Variants in DAD1 observed in about 807,000 individuals in gnomAD.
DAD1 encodes dolichyl-diphosphooligosaccharide--protein glycosyltransferase subunit DAD1.
Under a neutral mutation model 9.0 loss-of-function variants are expected in DAD1, and 4 were observed. The observed-to-expected ratio is 0.44, with a 90% CI of 0.22 to 1.01. The LOEUF is 1.01. Ranked by LOEUF, DAD1 falls within the 50% of genes least tolerant of loss-of-function variation. The pLI is 0.24. For missense variants in DAD1, 119 were observed against 137.3 expected (o/e 0.87, Z 0.67); for synonymous variants, 60 against 62.5 (o/e 0.96, Z 0.19).
intron 2 of DAD1, among the ~76,000 whole-genome samples, chr14:22,569,297 G>A (rs2037022229): frequency 1.3e-5 from 2 of 152,040 alleles, no homozygotes; most frequent in Admixed American, 1.3e-4. Context: ...GCCAGGCGTG[G>A]GAGCACACAC....
chr14:22,576,219 T>C (rs1260325603), intron 1 of DAD1, among the ~76,000 whole-genome samples: 1 of 152,232 alleles, frequency 6.6e-6, no homozygotes, highest in South Asian at 2.1e-4. Context: ...AGGTTTTCCA[T>C]TATAAGTTTA....
intron 1 of DAD1, among the ~76,000 whole-genome samples, chr14:22,582,456 G>A (rs867507658): frequency 1.9e-4 from 29 of 151,688 alleles, no homozygotes; most frequent in Middle Eastern, 3.4e-3. Context: ...CCCGGGAGGC[G>A]GAGCTTGCAG....
At chr14:22,580,972 C>G (rs1422418451) in intron 1 of DAD1, among the ~76,000 whole-genome samples, 1 of 152,114 alleles carries the variant, frequency 6.6e-6, no homozygotes, top group African/African-American at 2.4e-5. Flanking sequence ...TGCTCCACTA[C>G]CAATGATCCT....
At chr14:22,586,520 G>GA (rs112505542) in intron 1 of DAD1, among the ~76,000 whole-genome samples, 44 of 152,216 alleles carry the variant, frequency 2.9e-4, no homozygotes, top group African/African-American at 9.9e-4. Flanking sequence ...TCCAGCCTGA[G>GA]AAAAAAGAGC....
At chr14:22,577,619 G>A (rs2037086832) in intron 1 of DAD1, among the ~76,000 whole-genome samples, 1 of 152,204 alleles carries the variant, frequency 6.6e-6, no homozygotes, top group Non-Finnish European at 1.5e-5. Flanking sequence ...AGGAAATTCT[G>A]ATACCTGCTA....
chr14:22,586,939 C>A (rs2037156908), intron 1 of DAD1, among the ~76,000 whole-genome samples: 1 of 152,162 alleles, frequency 6.6e-6, no homozygotes, highest in Non-Finnish European at 1.5e-5. Context: ...GCTCTATTAT[C>A]TGTTATCTAA....
chr14:22,565,690 A>G (rs2036998092), intron 2 of DAD1, among the ~76,000 whole-genome samples: 1 of 152,240 alleles, frequency 6.6e-6, no homozygotes, highest in African/African-American at 2.4e-5. Context: ...AAAGGTGAAG[A>G]AAGAGTAACC....
chr14:22,572,250 A>G (rs964852949), intron 2 of DAD1, among the ~76,000 whole-genome samples: 2 of 152,132 alleles, frequency 1.3e-5, no homozygotes, highest in Non-Finnish European at 2.9e-5. Context: ...ATATAAAGAC[A>G]TTCAATCTGT....
chr14:22,565,416 A>G (rs991252673), intron 2 of DAD1, among the ~76,000 whole-genome samples: 1 of 152,090 alleles, frequency 6.6e-6, no homozygotes, highest in African/African-American at 2.4e-5. Flanking sequence ...CAGCTCTACC[A>G]TTAATTAGCC....
In DAD1 at chr14:22,581,315, A is replaced by G. The variant is rs184318582; in HGVS notation, c.212-6082T>C. 3.2e-3 allele frequency among the ~76,000 whole-genome samples: 488 copies of G among 152,346 alleles called. 5 individuals are homozygous for G. Among genetic ancestry groups the G allele is most frequent in the Middle Eastern group, 0.014 (4 of 294 alleles). On this transcript the variant is annotated intron_variant, in intron 1 of 2. Transcript: ENST00000250498. ...AGAGTGACTGGGAAGCTTTTCTTAA[A>G]TTCAATCATAACAGAAGGTCTCTTT...
chr14:22,578,965 C>T (rs192817482), intron 1 of DAD1, among the ~76,000 whole-genome samples: 5 of 152,044 alleles, frequency 3.3e-5, no homozygotes, highest in Non-Finnish European at 5.9e-5. Flanking sequence ...ACAAAGGGTC[C>T]GGGCTGAATG....
At chr14:22,583,611 C>A (rs925002489) in intron 1 of DAD1, among the ~76,000 whole-genome samples, 1 of 151,954 alleles carries the variant, frequency 6.6e-6, no homozygotes, top group East Asian at 1.9e-4. Context: ...TGTGGTCAAA[C>A]GGATTTTTTT....
Position 22,564,908 on chromosome 14 carries a change from A to T in DAD1, c.*274T>A. The T allele has an allele frequency of 1.7e-6, 1 of 575,972 alleles. No homozygotes were observed. Among genetic ancestry groups the T allele is most frequent in the Non-Finnish European group, 3.1e-6 (1 of 325,682 alleles). The allele number at this position is 575,972 out of a possible 1,614,324, so 35.7% of individuals were successfully genotyped here. ...TAAAAACAGAGCCAGAGGCATATGG[A>T]GGAGTGGCATGGAGTTCTTTAATTT... On this transcript the variant is annotated 3_prime_UTR_variant, in exon 3 of 3. Coordinates refer to ENST00000250498, the MANE Select transcript of DAD1 (RefSeq NM_001344.4).
intron 2 of DAD1, among the ~76,000 whole-genome samples, chr14:22,571,071 C>A (rs1052084666): frequency 2.0e-5 from 3 of 150,714 alleles, no homozygotes; most frequent in African/African-American, 4.9e-5. Context: ...CGCCTGTAAT[C>A]CCAGCACTTT....
intron 1 of DAD1, among the ~76,000 whole-genome samples, chr14:22,577,775 A>G (rs886842013): frequency 3.9e-5 from 6 of 152,232 alleles, no homozygotes; most frequent in Non-Finnish European, 8.8e-5. Flanking sequence ...AGGGACTGAC[A>G]GAGAGGAGGA....
chr14:22,582,358 CAA>C (rs558611163), intron 1 of DAD1, among the ~76,000 whole-genome samples: 12,167 of 110,962 alleles, frequency 0.11, 959 homozygotes, highest in African/African-American at 0.23. Context: ...CTAAAAAATA[CAA>C]AAAAAAAAAA....
At chr14:22,573,250 C>T (rs1034647395) in intron 2 of DAD1, among the ~76,000 whole-genome samples, 6 of 151,774 alleles carry the variant, frequency 4.0e-5, no homozygotes, top group African/African-American at 1.5e-4. Context: ...TGAGCTCAAG[C>T]AATCGCCCAC....
chr14:22,569,231 G>A (rs775933936), intron 2 of DAD1, among the ~76,000 whole-genome samples: 21 of 152,096 alleles, frequency 1.4e-4, no homozygotes, highest in Non-Finnish European at 2.9e-4. Context: ...TCAAAAGATA[G>A]AGACCATACT....
At position 22,583,691 on chromosome 14, in the gene DAD1, C is replaced by T. The variant is rs548953567; in HGVS notation, c.211+5256G>A. Among the ~76,000 whole-genome samples the T allele has an allele frequency of 1.8e-4, 28 of 152,042 alleles. No individual in the cohort carries two copies. The South Asian group carries it at 4.6e-3, about 25-fold the overall frequency. On this transcript the variant is annotated intron_variant, in intron 1 of 2. Coordinates refer to ENST00000250498, the MANE Select transcript of DAD1 (RefSeq NM_001344.4). ...AGGAGAGAAACAGAAATTAATGACA[C>T]GGAACAGAGGAATAATTGCAGAAGC...
Sources: allele counts gnomAD v4.1 joint callset (sites outside exome capture counted in the v4.1 genomes callset), GRCh38; gene constraint gnomAD v4.1.1; transcripts MANE v1.5; gene names NCBI Gene and HGNC (gene_info 2026-07-23, HGNC 2026-07-21).